Variants in ANKRD36 observed in about 807,000 individuals in gnomAD.
The protein encoded by ANKRD36 is ankyrin repeat domain 36.
A neutral mutation model predicts 278.1 loss-of-function variants in ANKRD36; 179 were observed. That is an observed-to-expected ratio of 0.64 (90% CI 0.57 to 0.73). The LOEUF (loss-of-function observed/expected upper bound fraction) is 0.73. Ranked by LOEUF, ANKRD36 falls within the 30% of genes least tolerant of loss-of-function variation. The pLI is 0.00. For synonymous variants in ANKRD36, 320 were observed against 641.1 expected, an observed-to-expected ratio of 0.50 and a Z score of 7.57; for missense variants, 1,159 against 1,956.7, an observed-to-expected ratio of 0.59 and a Z score of 7.69.
At chr2:97,202,479 C>T (rs1397731913) in intron 48 of ANKRD36, 86 bp downstream of exon 48, 495 of 1,515,490 alleles carry the variant, frequency 3.3e-4, no homozygotes, top group Non-Finnish European at 4.0e-4. Context: ...GGGGGCTCGT[C>T]GAAGCTGCAC....
chr2:97,162,264 A>C, intron 18 of ANKRD36, 126 bp downstream of exon 18: 1 of 683,646 alleles, frequency 1.5e-6, no homozygotes, highest in Non-Finnish European at 2.0e-6. Flanking sequence ...GCTTTAATAT[A>C]ATTTTTGAAA....
intron 5 of ANKRD36, among the ~76,000 whole-genome samples, chr2:97,125,939 G>A (rs1262472541): frequency 2.0e-5 from 3 of 149,986 alleles, no homozygotes; most frequent in South Asian, 2.2e-4. Flanking sequence ...GGAACAATAC[G>A]GAGAAAATTA....
chr2:97,213,265 T>C (rs976265969), intron 58 of ANKRD36, 154 bp from the exon 59 acceptor site: 1 of 266,784 alleles, frequency 3.7e-6, no homozygotes, highest in African/African-American at 2.7e-5. Flanking sequence ...AGTGTATTTC[T>C]GTCATATTCC....
At chr2:97,172,922 A>T (rs1259954737) in intron 22 of ANKRD36, among the ~76,000 whole-genome samples, 3 of 151,890 alleles carry the variant, frequency 2.0e-5, no homozygotes, top group Non-Finnish European at 4.4e-5. Flanking sequence ...ACAAATGAAA[A>T]TGTTTCTGTT....
chr2:97,229,878 A>T (rs2071308601), intron 67 of ANKRD36, among the ~76,000 whole-genome samples: 1 of 151,962 alleles, frequency 6.6e-6, no homozygotes, highest in Non-Finnish European at 1.5e-5. Flanking sequence ...GAAGTATTTT[A>T]TTTCTCCTTC....
chr2:97,132,677 C>T (rs895138618), intron 6 of ANKRD36, among the ~76,000 whole-genome samples: 9 of 152,032 alleles, frequency 5.9e-5, no homozygotes, highest in Non-Finnish European at 8.8e-5. Context: ...TGGCGATTCA[C>T]TTGGAAGGAC....
At chr2:97,217,751 A>G (rs1361790276) in intron 64 of ANKRD36, among the ~76,000 whole-genome samples, 9 of 151,934 alleles carry the variant, frequency 5.9e-5, no homozygotes, top group Non-Finnish European at 1.3e-4. Flanking sequence ...TACTTAAACC[A>G]GAGGGAGGAA....
rs758533489 is a variant in ANKRD36, at chr2:97,192,981, G to A, written c.2377G>A (p.Ala793Thr). ...VSSQKPPALT[A>T]TSDEEGSVLS... ...TTATTTCATTTGAAATTCCATTCAG[G>A]CTACAAGTGACGAGGAAGGTTCTGT... The change falls in exon 38 of 76, where the codon GCT becomes ACT. Residue 793 changes from alanine to threonine, a missense_variant and splice_region_variant. Coordinates refer to ENST00000420699, the MANE Select transcript of ANKRD36 (RefSeq NM_001354587.1). The A allele has an allele frequency of 2.5e-6, 4 of 1,583,250 alleles. No individual in the cohort carries two copies. Among genetic ancestry groups the A allele is most frequent in the Non-Finnish European group, 3.4e-6 (4 of 1,164,672 alleles).
chr2:97,233,686 A>C, intron 67 of ANKRD36, 44 bp from the exon 68 acceptor site: 1 of 1,516,262 alleles, frequency 6.6e-7, no homozygotes, highest in Non-Finnish European at 8.9e-7. Flanking sequence ...TATATGCTAT[A>C]AATATTTTGG....
At chr2:97,224,613 C>T (rs1429189039) in intron 66 of ANKRD36, among the ~76,000 whole-genome samples, 193 bp from the exon 67 acceptor site, 1 of 151,990 alleles carries the variant, frequency 6.6e-6, no homozygotes, top group East Asian at 2.0e-4. Flanking sequence ...CCACGCCCAG[C>T]TAATTTTTTG....
chr2:97,193,100 A>C, intron 38 of ANKRD36, 47 bp downstream of exon 38: 1 of 1,469,080 alleles, frequency 6.8e-7, no homozygotes. Context: ...CAGATAGATA[A>C]GAAGTTCTCT....
intron 44 of ANKRD36, among the ~76,000 whole-genome samples, chr2:97,199,780 A>G (rs535340254): frequency 6.6e-6 from 1 of 151,900 alleles, no homozygotes; most frequent in Non-Finnish European, 1.5e-5. Context: ...ATTATGTACT[A>G]GGTATCAGCA....
intron 60 of ANKRD36, among the ~76,000 whole-genome samples, chr2:97,214,067 A>G (rs1208435128): frequency 6.6e-6 from 1 of 151,264 alleles, no homozygotes; most frequent in East Asian, 2.0e-4. Flanking sequence ...ATTTTTCCCA[A>G]GGAAGAGGGA....
At chr2:97,132,777 T>C (rs1021749465) in intron 6 of ANKRD36, among the ~76,000 whole-genome samples, 3 of 151,944 alleles carry the variant, frequency 2.0e-5, no homozygotes, top group African/African-American at 7.3e-5. Context: ...ATGTGGCAAG[T>C]CTTGGGGAAG....
chr2:97,151,263 G>C (rs1254480945), intron 12 of ANKRD36, among the ~76,000 whole-genome samples: 1 of 151,722 alleles, frequency 6.6e-6, no homozygotes, highest in African/African-American at 2.4e-5. Flanking sequence ...TTTCTATTTA[G>C]TAGCTATGTG....
chr2:97,116,072 G>A (rs2035237622), intron 1 of ANKRD36, among the ~76,000 whole-genome samples: 1 of 152,104 alleles, frequency 6.6e-6, no homozygotes, highest in Non-Finnish European at 1.5e-5. Flanking sequence ...AGCCAAATAT[G>A]TGTACAAAAT....
At chr2:97,208,894 T>C (rs1330072080) in intron 54 of ANKRD36, among the ~76,000 whole-genome samples, 1 of 146,800 alleles carries the variant, frequency 6.8e-6, no homozygotes, top group African/African-American at 2.6e-5. Flanking sequence ...TTTCAATGAA[T>C]ATTGCAGTGA....
chr2:97,137,429 A>C lies in ANKRD36; in HGVS notation c.800-5211A>C, dbSNP rs976888581. On this transcript the variant is annotated intron_variant, in intron 6 of 75. Transcript: ENST00000420699. ...GCCTCCCAAAATGCTGAGATCACAGACATGAGCCACTGTGCCCAGCCTGCA... is the reference window on the plus strand; with the variant it reads ...GCCTCCCAAAATGCTGAGATCACAGCCATGAGCCACTGTGCCCAGCCTGCA... Among the ~76,000 whole-genome samples the C allele has an allele frequency of 2.4e-3, 370 of 152,008 alleles. 4 individuals are homozygous for C. Among genetic ancestry groups the C allele is most frequent in the African/African-American group, 8.7e-3 (362 of 41,508 alleles).
chr2:97,135,099 G>T (rs951832064), intron 6 of ANKRD36, among the ~76,000 whole-genome samples: 1 of 152,012 alleles, frequency 6.6e-6, no homozygotes, highest in South Asian at 2.1e-4. Context: ...CCTTGACCCT[G>T]CTCTGTATCC....
Sources: gnomAD v4.1 joint callset for allele counts (sites outside exome capture counted in the v4.1 genomes callset) on GRCh38, gnomAD v4.1.1 for gene constraint, MANE v1.5 for transcripts, NCBI Gene and HGNC (gene_info 2026-07-23, HGNC 2026-07-21) for gene names.